PTPRO: variants seen among roughly 807,000 people sequenced by gnomAD.
PTPRO encodes the protein protein tyrosine phosphatase receptor type O.
PTPRO carries 62 observed loss-of-function variants against 145.2 expected under a neutral mutation model. That is an observed-to-expected ratio of 0.43 (90% CI 0.35 to 0.53). The LOEUF is 0.53. PTPRO is among the 20% of genes least tolerant of loss of function. The pLI is 0.01. For missense variants in PTPRO, 1,345 were observed against 1,482.7 expected (o/e 0.91, Z 1.53); for synonymous variants, 565 against 514.7 (o/e 1.10, Z -1.32).
At chr12:15,530,506 G>A (rs1336872025) in intron 12 of PTPRO, among the ~76,000 whole-genome samples, 5 of 152,034 alleles carry the variant, frequency 3.3e-5, no homozygotes, top group African/African-American at 4.8e-5. Context: ...AATTCAAAAA[G>A]TACATATCAT....
At position 15,518,797 on chromosome 12, in the gene PTPRO, C is replaced by G. The variant is rs557739931; in HGVS notation, c.1780-1404C>G. On this transcript the variant is annotated intron_variant, in intron 9 of 26. Transcript: ENST00000281171. ...TTCCCGACAAGTTCTTCATCCCCAT[C>G]TGAGACCACCTCAGCCTAGATTTCA... Among the ~76,000 whole-genome samples, 16 of 152,352 alleles carry G rather than the reference C, an allele frequency of 1.1e-4. No homozygotes were observed. The South Asian group carries it at 3.1e-3, about 30-fold the overall frequency.
intron 1 of PTPRO, among the ~76,000 whole-genome samples, chr12:15,469,101 T>G (rs1336084688): frequency 6.6e-6 from 1 of 152,232 alleles, no homozygotes; most frequent in East Asian, 1.9e-4. Context: ...GTGTCACAGC[T>G]GAATTGACAT....
chr12:15,329,020 TTTC>T (rs1241479084), intron 1 of PTPRO, among the ~76,000 whole-genome samples: 4 of 152,238 alleles, frequency 2.6e-5, no homozygotes, highest in African/African-American at 9.6e-5. Flanking sequence ...ATTTTACTGT[TTTC>T]AGATAACTGA....
At chr12:15,371,610 G>T (rs1334036358) in intron 1 of PTPRO, among the ~76,000 whole-genome samples, 1 of 152,120 alleles carries the variant, frequency 6.6e-6, no homozygotes, top group Non-Finnish European at 1.5e-5. Context: ...ACATAATATT[G>T]TATGTGTGTG....
intron 1 of PTPRO, among the ~76,000 whole-genome samples, chr12:15,349,463 A>G (rs1295055825): frequency 6.6e-6 from 1 of 152,238 alleles, no homozygotes; most frequent in Non-Finnish European, 1.5e-5. Context: ...CACTGTATGC[A>G]GAGACTACTA....
At chr12:15,549,063 C>T in intron 13 of PTPRO, 31 bp from the exon 14 acceptor site, 1 of 1,608,616 alleles carries the variant, frequency 6.2e-7, no homozygotes, top group Non-Finnish European at 8.5e-7. Context: ...TGAAGTTAAC[C>T]TAAAATTTAC....
chr12:15,545,637 A>T (rs1029327549), intron 12 of PTPRO, among the ~76,000 whole-genome samples: 1 of 152,132 alleles, frequency 6.6e-6, no homozygotes, highest in Non-Finnish European at 1.5e-5. Context: ...AGCTTCCTTT[A>T]CGAATGGATT....
chr12:15,517,341 G>A (rs915085874), intron 9 of PTPRO, among the ~76,000 whole-genome samples: 10 of 152,102 alleles, frequency 6.6e-5, no homozygotes, highest in African/African-American at 2.4e-4. Flanking sequence ...CTGCCCCCAG[G>A]ATTCAGTTAC....
At chr12:15,499,739 C>A in intron 4 of PTPRO, 145 bp downstream of exon 4, 5 of 987,362 alleles carry the variant, frequency 5.1e-6, no homozygotes, top group East Asian at 2.7e-5. Flanking sequence ...GATTTTCTAT[C>A]AATATAAAAA....
chr12:15,332,741 A>G (rs1186381494), intron 1 of PTPRO, among the ~76,000 whole-genome samples: 1 of 152,244 alleles, frequency 6.6e-6, no homozygotes, highest in East Asian at 1.9e-4. Context: ...TAAAGTAGCC[A>G]TTCCACCTTC....
At chr12:15,398,733 G>C (rs1939412693) in intron 1 of PTPRO, among the ~76,000 whole-genome samples, 1 of 151,720 alleles carries the variant, frequency 6.6e-6, no homozygotes, top group South Asian at 2.1e-4. Flanking sequence ...GATCTTCAAT[G>C]AATATTTATG....
At chr12:15,566,180 T>A (rs1207803081) in intron 18 of PTPRO, among the ~76,000 whole-genome samples, 1 of 152,216 alleles carries the variant, frequency 6.6e-6, no homozygotes, top group Non-Finnish European at 1.5e-5. Context: ...AACCCCCAGT[T>A]GATTTCAAAA....
At chr12:15,344,475 A>G (rs886382439) in intron 1 of PTPRO, among the ~76,000 whole-genome samples, 1 of 152,194 alleles carries the variant, frequency 6.6e-6, no homozygotes, top group African/African-American at 2.4e-5. Context: ...TCTTCCTCCT[A>G]ACTCAGCCAC....
At chr12:15,404,943 T>C (rs964504841) in intron 1 of PTPRO, among the ~76,000 whole-genome samples, 2 of 152,186 alleles carry the variant, frequency 1.3e-5, no homozygotes, top group Admixed American at 6.5e-5. Context: ...GTGAGGGCTG[T>C]CTTCCTGATT....
chr12:15,561,789 A>G (rs1225105502), intron 17 of PTPRO, among the ~76,000 whole-genome samples: 1 of 152,178 alleles, frequency 6.6e-6, no homozygotes, highest in African/African-American at 2.4e-5. Flanking sequence ...CAGATTGCAA[A>G]TAAAATGAAA....
At chr12:15,525,406 G>T (rs1435410114) in intron 11 of PTPRO, among the ~76,000 whole-genome samples, 1 of 152,160 alleles carries the variant, frequency 6.6e-6, no homozygotes, top group Non-Finnish European at 1.5e-5. Flanking sequence ...CAAACAAAAA[G>T]AGAGTGGCTC....
intron 17 of PTPRO, among the ~76,000 whole-genome samples, chr12:15,561,489 C>T (rs937011547): frequency 6.6e-6 from 1 of 152,016 alleles, no homozygotes; most frequent in Non-Finnish European, 1.5e-5. Context: ...GCTTTTGAAA[C>T]AAAGTAGACA....
chr12:15,400,096 T>A (rs2136297872), intron 1 of PTPRO, among the ~76,000 whole-genome samples: 1 of 146,652 alleles, frequency 6.8e-6, no homozygotes, highest in African/African-American at 2.5e-5. Context: ...GTTCAAGCGA[T>A]TCTCCTGCCT....
At chr12:15,401,804 A>G (rs1939501932) in intron 1 of PTPRO, among the ~76,000 whole-genome samples, 1 of 152,162 alleles carries the variant, frequency 6.6e-6, no homozygotes, top group Non-Finnish European at 1.5e-5. Context: ...GCTGACTATA[A>G]TTTTGTATTT....
Sources: gnomAD v4.1 joint callset for allele counts (sites outside exome capture counted in the v4.1 genomes callset) on GRCh38, gnomAD v4.1.1 for gene constraint, MANE v1.5 for transcripts, NCBI Gene and HGNC (gene_info 2026-07-23, HGNC 2026-07-21) for gene names.